The following CILP variants were observed in gnomAD, a reference collection of about 807,000 sequenced individuals.
The protein encoded by CILP is cartilage intermediate layer protein 1.
In CILP, 75 loss-of-function variants were observed where a neutral mutation model predicts 82.5. The observed-to-expected ratio is 0.91, with a 90% CI of 0.75 to 1.10. CILP has a LOEUF of 1.10. Ranked by LOEUF, CILP falls within the 50% of genes least tolerant of loss-of-function variation. The pLI is 0.00. For missense variants in CILP, 1,479 were observed against 1,530.8 expected (o/e 0.97, Z 0.56); for synonymous variants, 530 against 580.3 (o/e 0.91, Z 1.25).
At position 65,203,430 on chromosome 15, in the gene CILP, C is replaced by G; in HGVS notation, c.960G>C (p.Arg320=). The G allele has an allele frequency of 6.2e-7, 1 of 1,612,984 alleles. No homozygotes were observed. Among genetic ancestry groups the G allele is most frequent in the Non-Finnish European group, 8.5e-7 (1 of 1,180,028 alleles). The change falls in exon 7 of 9, where the codon CGG becomes CGC. Residue 320 remains arginine (R), a synonymous_variant. Coordinates refer to ENST00000261883, the MANE Select transcript of CILP (RefSeq NM_003613.4). ...YMVMNPETKA[R]RAGQSVSLCC... is the part of the protein sequence containing the mutation. ...ACAGAGACACGCTCTGCCCAGCTCT[C>G]CGTGCTTTTGTCTCAGGGTTCATCA...
rs747424796 is a variant in CILP, at chr15:65,196,856, C to T, written c.3430G>A (p.Gly1144Ser). 2 of 1,613,898 alleles carry T rather than the reference C, an allele frequency of 1.2e-6. No homozygotes were observed. Among genetic ancestry groups the T allele is most frequent in the Non-Finnish European group, 1.7e-6 (2 of 1,179,940 alleles). ...QSTPAQSPAA[G>S]TVQGRVPSRR... ...GAGGGCACTCTTCCTTGGACAGTGC[C>T]TGCAGCAGGGGACTGGGCTGGGGTG... The change falls in exon 9 of 9, where the codon GGC becomes AGC. Residue 1144 changes from glycine (G) to serine (S), a missense_variant. Transcript: ENST00000261883.
At position 65,197,501 on chromosome 15, in the gene CILP, A is replaced by C; in HGVS notation, c.2785T>G (p.Phe929Val). 1 of 1,614,224 alleles carries C rather than the reference A, an allele frequency of 6.2e-7. No individual in the cohort carries two copies. Among genetic ancestry groups the C allele is most frequent in the Non-Finnish European group, 8.5e-7 (1 of 1,180,046 alleles). Reference protein sequence around the residue: ...GDRYDYNTVPFNEDDPMSWTE... With the variant: ...GDRYDYNTVPVNEDDPMSWTE... ...CAGCTCATAGGGTCATCTTCGTTGA[A>C]GGGGACTGTGTTGTAGTCATATCGA... The change falls in exon 9 of 9, where the codon TTC becomes GTC. Residue 929 changes from phenylalanine to valine, a missense_variant. Coordinates refer to ENST00000261883, the MANE Select transcript of CILP (RefSeq NM_003613.4).
Position 65,196,691 on chromosome 15 carries a change from A to G in CILP, c.*40T>C, listed in dbSNP as rs1261697513. On this transcript the variant is annotated 3_prime_UTR_variant, in exon 9 of 9. Transcript: ENST00000261883. The stretch of plus-strand genomic sequence containing the variant: ...GTGCATCAGTCTCACAATGGCTGTC[A>G]CATGAAATGAGGGCAGAAGAGGGTG... 3 of 1,467,762 alleles carry G rather than the reference A, an allele frequency of 2.0e-6. No individual in the cohort carries two copies. The African/African-American group carries it at 4.2e-5, about 21-fold the overall frequency. The allele number at this position is 1,467,762 out of a possible 1,614,324, so 90.9% of individuals were successfully genotyped here. A position where few individuals can be genotyped will look rare whatever the true frequency, so the allele number is the denominator to read the frequency against.
intron 5 of CILP, 107 bp from the exon 6 acceptor site, chr15:65,204,689 A>T: frequency 3.6e-6 from 4 of 1,101,098 alleles, no homozygotes; most frequent in Non-Finnish European, 5.0e-6. Flanking sequence ...ACCCTCCCTT[A>T]TCAGCCTGCA....
At position 65,198,246 on chromosome 15, in the gene CILP, G is replaced by T; in HGVS notation, c.2040C>A (p.Val680=). 6 of 1,614,244 alleles carry T rather than the reference G, an allele frequency of 3.7e-6. No individual in the cohort carries two copies. The highest frequency in any genetic ancestry group is 5.1e-6 in the Non-Finnish European group (6 of 1,180,054). ...SEPLNAGKVK[V]HLDSTQVKMP... is the part of the protein sequence containing the mutation. ...TCTTGACCTGGGTCGAGTCAAGGTGGACCTTCACTTTGCCAGCATTAAGTG... is the reference window on the plus strand; with the variant it reads ...TCTTGACCTGGGTCGAGTCAAGGTGTACCTTCACTTTGCCAGCATTAAGTG... The change falls in exon 9 of 9, where the codon GTC becomes GTA. Residue 680 remains valine (V), a synonymous_variant. Transcript: ENST00000261883.
intron 6 of CILP, 142 bp downstream of exon 6, chr15:65,204,126 A>T: frequency 1.5e-6 from 1 of 675,522 alleles, no homozygotes; most frequent in South Asian, 2.0e-5. Flanking sequence ...ATGGAGGGCC[A>T]GATAATATAG....
intron 8 of CILP, among the ~76,000 whole-genome samples, chr15:65,201,339 CAT>C (rs979640546): frequency 1.3e-5 from 2 of 151,920 alleles, no homozygotes; most frequent in Non-Finnish European, 2.9e-5. Flanking sequence ...CGCTTATTTA[CAT>C]GTCTTCACTC....
At chr15:65,199,962 C>T (rs1422960589) in intron 8 of CILP, among the ~76,000 whole-genome samples, 1 of 152,120 alleles carries the variant, frequency 6.6e-6, no homozygotes, top group East Asian at 1.9e-4. Flanking sequence ...AATTGTTCCT[C>T]GTCTCAGGAA....
In CILP at chr15:65,204,449, C is replaced by A. The variant is rs148843945; in HGVS notation, c.738G>T (p.Leu246=). 1.9e-6 allele frequency: 3 copies of A among 1,614,094 alleles called. No individual in the cohort carries two copies. Among genetic ancestry groups the A allele is most frequent in the Non-Finnish European group, 2.5e-6 (3 of 1,180,016 alleles). ...APASGAAIYL[L]TKTPKLLTQT... is the part of the protein sequence containing the mutation. The stretch of plus-strand genomic sequence containing the variant: ...GGGTCAGCAGCTTCGGCGTCTTGGT[C>A]AGGAGGTAGATAGCAGCCCCTGAGG... Residue 246 remains leucine (L), a synonymous_variant, in exon 6 of 9, where the codon CTG becomes CTT. Transcript: ENST00000261883.
intron 7 of CILP, 128 bp downstream of exon 7, chr15:65,203,234 T>C (rs1457278425): frequency 1.5e-6 from 1 of 652,942 alleles, no homozygotes; most frequent in African/African-American, 1.8e-5. Flanking sequence ...ACATCCGGGC[T>C]CTGTACCACT....
At position 65,197,795 on chromosome 15, in the gene CILP, C is replaced by T. The variant is rs934002108; in HGVS notation, c.2491G>A (p.Glu831Lys). The change falls in exon 9 of 9, where the codon GAG (glutamate) becomes AAG (lysine). Residue 831 changes from glutamate (E) to lysine (K), a missense_variant. Physicochemically the swap from Glu to Lys is moderately conservative, Grantham distance 56. Transcript: ENST00000261883. ...GAAGACTCCACTGCTTGCAGTTCCT[C>T]CCCAGCCAGGCTTGCCAAGACATAG... Reference protein sequence around the residue: ...SAYVLASLAGEELQAVESSPK... With the variant: ...SAYVLASLAGKELQAVESSPK... 27 of 1,613,434 alleles carry T rather than the reference C, an allele frequency of 1.7e-5. No homozygotes were observed. Among genetic ancestry groups the T allele is most frequent in the Non-Finnish European group, 2.1e-5 (25 of 1,180,044 alleles).
chr15:65,198,099 G>A lies in CILP; in HGVS notation c.2187C>T (p.Phe729=), dbSNP rs2088399088. The A allele has an allele frequency of 6.2e-7, 1 of 1,614,222 alleles. No individual in the cohort carries two copies. The highest frequency in any genetic ancestry group is 8.5e-7 in the Non-Finnish European group (1 of 1,180,038). Residue 729 remains phenylalanine, a synonymous_variant, in exon 9 of 9, where the codon TTC becomes TTT. Transcript: ENST00000261883. ...CACGAATCTCCAGGTTGCCCACCAG[G>A]AAGGTTCTGTCTTCTCTTTTGTTCC... ...QRRNKREDRT[F]LVGNLEIRER...
Position 65,196,793 on chromosome 15 carries a change from G to C in CILP, c.3493C>G (p.Gln1165Glu), listed in dbSNP as rs2088367022. The C allele has an allele frequency of 6.3e-7, 1 of 1,597,940 alleles. No individual in the cohort carries two copies. Residue 1165 changes from glutamine to glutamate, a missense_variant, in exon 9 of 9, where the codon CAG becomes GAG. By Grantham distance (29) the Gln-to-Glu change is conservative. Transcript: ENST00000261883. The part of the protein sequence containing the change: ...QQRASRGGQR[Q>E]GGVVASLRFP... ...CTCAGAGAGGCCACCACTCCACCCTGGCGCTGGCCACCCCTGCTCGCTCGC... is the reference window on the plus strand; with the variant it reads ...CTCAGAGAGGCCACCACTCCACCCTCGCGCTGGCCACCCCTGCTCGCTCGC...
At chr15:65,199,500 T>C (rs574298405) in intron 8 of CILP, among the ~76,000 whole-genome samples, 1 of 152,176 alleles carries the variant, frequency 6.6e-6, no homozygotes, top group Non-Finnish European at 1.5e-5. Context: ...CCACCACTCA[T>C]TCATGTAGGT....
In CILP at chr15:65,197,335, A is replaced by G. The variant is rs1188131778; in HGVS notation, c.2951T>C (p.Leu984Pro). 1.2e-6 allele frequency: 2 copies of G among 1,614,002 alleles called. No homozygotes were observed. Among genetic ancestry groups the G allele is most frequent in the East Asian group, 4.5e-5 (2 of 44,882 alleles). ...GCTCCTCACATCTCGGATTCCATACAGCTTCCCCACTGTCTGCCGATGAGT... is the reference window on the plus strand; with the variant it reads ...GCTCCTCACATCTCGGATTCCATACGGCTTCCCCACTGTCTGCCGATGAGT... Reference protein sequence around the residue: ...GGTHRQTVGKLYGIRDVRSTR... With the variant: ...GGTHRQTVGKPYGIRDVRSTR... Residue 984 changes from leucine to proline, a missense_variant, in exon 9 of 9, where the codon CTG becomes CCG. By Grantham distance (98) the Leu-to-Pro change is moderately conservative. Transcript: ENST00000261883.
Position 65,207,050 on chromosome 15 carries a change from G to A in CILP, c.156C>T (p.Ser52=). Residue 52 remains serine, a splice_region_variant and synonymous_variant, in exon 4 of 9, where the codon AGC becomes AGT. Transcript: ENST00000261883. Reference sequence around the variant, plus strand: ...TGAACCATGTTGTCCACTCACCAGGGCCTGAGAGACATAGCCAAATTGCGG... The same window carrying A: ...TGAACCATGTTGTCCACTCACCAGGACCTGAGAGACATAGCCAAATTGCGG... ...IFAKPADTLE[S]PGEWTTWFNI... 3 of 1,609,212 alleles carry A rather than the reference G, an allele frequency of 1.9e-6. No individual in the cohort carries two copies. In the South Asian group the frequency reaches 3.3e-5, roughly 18 times the overall value.
chr15:65,208,063 C>G (rs973483254), intron 2 of CILP, among the ~76,000 whole-genome samples: 2 of 152,182 alleles, frequency 1.3e-5, no homozygotes, highest in African/African-American at 4.8e-5. Flanking sequence ...AATGGTATCT[C>G]CCTTTTCACT....
rs751867966 is a variant in CILP, at chr15:65,198,461, AG to A, written c.1824del (p.Tyr609ThrfsTer9). 2 of 1,614,194 alleles carry A rather than the reference AG, an allele frequency of 1.2e-6. No individual in the cohort carries two copies. Among genetic ancestry groups the A allele is most frequent in the East Asian group, 2.2e-5 (1 of 44,880 alleles). ...ATGTAGGGCTCCCCATTCTGCCTGT[AG>A]AAACTCCTGGATGGAATCTCCAGTT... ...MAELEIPSRS[F>X]YRQNGEPYIG... On this transcript the variant is annotated frameshift_variant, in exon 9 of 9. Coordinates refer to ENST00000261883, the MANE Select transcript of CILP (RefSeq NM_003613.4). LOFTEE classifies it high-confidence loss of function.
At chr15:65,202,451 G>A (rs1456716453) in intron 7 of CILP, among the ~76,000 whole-genome samples, 5 of 151,454 alleles carry the variant, frequency 3.3e-5, no homozygotes, top group Non-Finnish European at 4.4e-5. Context: ...TTCCTGAGAT[G>A]GAGTCTTGCT....
Sources: gnomAD v4.1 joint callset for allele counts (sites outside exome capture counted in the v4.1 genomes callset) on GRCh38, gnomAD v4.1.1 for gene constraint, MANE v1.5 for transcripts, NCBI Gene and HGNC (gene_info 2026-07-23, HGNC 2026-07-21) for gene names.